The following PAN3 variants were observed in gnomAD, a reference collection of about 807,000 sequenced individuals.
The protein encoded by PAN3 is poly(A) specific ribonuclease subunit PAN3, also known as PAN2-PAN3 deadenylation complex subunit PAN3.
A neutral mutation model predicts 96.2 loss-of-function variants in PAN3; 19 were observed. The observed-to-expected ratio is 0.20, with a 90% CI of 0.14 to 0.29. The LOEUF (loss-of-function observed/expected upper bound fraction) is 0.29, where lower values mean the gene tolerates loss of function less well. Ranked by LOEUF, PAN3 falls within the 10% of genes least tolerant of loss-of-function variation. The probability of loss-of-function intolerance (pLI) is 1.00; values close to 1 mark genes in which losing one functional copy is unlikely to be tolerated. For synonymous variants in PAN3, 433 were observed against 406.6 expected (o/e 1.06, Z -0.78); for missense variants, 882 against 1,108.1 (o/e 0.80, Z 2.90).
intron 14 of PAN3, among the ~76,000 whole-genome samples, chr13:28,272,518 G>T (rs1021171191): frequency 6.6e-6 from 1 of 151,524 alleles, no homozygotes; most frequent in African/African-American, 2.4e-5. Flanking sequence ...GATGTACTTA[G>T]TGTAGAGCCC....
At chr13:28,228,280 ATCTTTT>A (rs1476031454) in intron 6 of PAN3, among the ~76,000 whole-genome samples, 1 of 152,118 alleles carries the variant, frequency 6.6e-6, no homozygotes, top group African/African-American at 2.4e-5. Flanking sequence ...CATGAAATTC[ATCTTTT>A]TCTTATTCTT....
intron 4 of PAN3, among the ~76,000 whole-genome samples, chr13:28,181,477 A>C (rs1230174789): frequency 6.9e-6 from 1 of 144,902 alleles, no homozygotes; most frequent in Non-Finnish European, 1.5e-5. Flanking sequence ...ACTCTAATGC[A>C]CTGTGTGACA....
At position 28,280,323 on chromosome 13, in the gene PAN3, G is replaced by C. The variant is rs943743524; in HGVS notation, c.2190-89G>C. 6.4e-5 allele frequency: 90 copies of C among 1,412,294 alleles called. No homozygotes were observed. In the African/African-American group the frequency reaches 1.2e-3, roughly 19 times the overall value. The allele number at this position is 1,412,294 out of a possible 1,614,324, so 87.5% of individuals were successfully genotyped here. On this transcript the variant is annotated intron_variant, in intron 15 of 18. Coordinates refer to ENST00000380958, the MANE Select transcript of PAN3 (RefSeq NM_175854.8). The stretch of plus-strand genomic sequence containing the variant: ...TTTTCAAAATTTTGTGTGCTAAGAT[G>C]ACGGCAGCCAAAACAGCTATGTTTG...
At chr13:28,274,851 G>A (rs1886932451) in intron 14 of PAN3, among the ~76,000 whole-genome samples, 2 of 152,158 alleles carry the variant, frequency 1.3e-5, no homozygotes, top group African/African-American at 4.8e-5. Flanking sequence ...CAAAGGGGGA[G>A]TGTGATTTTA....
intron 1 of PAN3, among the ~76,000 whole-genome samples, chr13:28,140,191 C>G (rs1869513439): frequency 6.6e-6 from 1 of 152,182 alleles, no homozygotes; most frequent in African/African-American, 2.4e-5. Flanking sequence ...CTCAAGTGAT[C>G]TGTCCTCCTC....
chr13:28,264,431 C>T (rs1009849292), intron 9 of PAN3, among the ~76,000 whole-genome samples: 5 of 151,796 alleles, frequency 3.3e-5, no homozygotes, highest in South Asian at 2.1e-4. Context: ...TCCAGCTACT[C>T]GGGAGGCTGA....
chr13:28,280,463 C>A lies in PAN3; in HGVS notation c.2241C>A (p.Pro747=). ...TGCGAAGTGTAAATGACATCATGCC[C>A]ATGATTGGTGCTCGATTTTATACTC... ...NRMRSVNDIM[P]MIGARFYTQL... is the part of the protein sequence containing the mutation. The change falls in exon 16 of 19, where the codon CCC becomes CCA. Residue 747 remains proline (P), a synonymous_variant. Coordinates refer to ENST00000380958, the MANE Select transcript of PAN3 (RefSeq NM_175854.8). 2 of 1,613,280 alleles carry A rather than the reference C, an allele frequency of 1.2e-6. No homozygotes were observed. The highest frequency in any genetic ancestry group is 1.7e-6 in the Non-Finnish European group (2 of 1,179,634).
intron 4 of PAN3, among the ~76,000 whole-genome samples, chr13:28,189,790 G>A (rs546450174): frequency 5.3e-5 from 8 of 152,242 alleles, no homozygotes; most frequent in Admixed American, 1.3e-4. Context: ...CTTAGACCTC[G>A]CTCTAAGGCC....
intron 18 of PAN3, among the ~76,000 whole-genome samples, chr13:28,288,919 C>T (rs45599434): frequency 0.056 from 8,439 of 150,856 alleles, 302 homozygotes; most frequent in South Asian, 0.14. Context: ...CTCCGCCTCC[C>T]GGGTTCACGC....
chr13:28,233,518 C>T (rs559006353), intron 6 of PAN3, among the ~76,000 whole-genome samples: 30 of 152,158 alleles, frequency 2.0e-4, no homozygotes, highest in African/African-American at 6.3e-4. Flanking sequence ...CTGCCCACCT[C>T]GGCCTCCCAA....
At chr13:28,271,494 A>C (rs989322103) in intron 13 of PAN3, among the ~76,000 whole-genome samples, 1 of 152,168 alleles carries the variant, frequency 6.6e-6, no homozygotes, top group Non-Finnish European at 1.5e-5. Context: ...TGAACAAGTT[A>C]CTTCTTCAAA....
intron 6 of PAN3, among the ~76,000 whole-genome samples, chr13:28,225,364 G>C (rs1320212959): frequency 6.6e-6 from 1 of 152,108 alleles, no homozygotes; most frequent in Non-Finnish European, 1.5e-5. Context: ...TCAGTTTAAA[G>C]TTCTGTGCCA....
At chr13:28,276,783 AC>A (rs1207136157) in intron 14 of PAN3, among the ~76,000 whole-genome samples, 1 of 152,240 alleles carries the variant, frequency 6.6e-6, no homozygotes. Flanking sequence ...TCTGGGAGTT[AC>A]AGAAAATGAG....
chr13:28,163,856 G>GT (rs1566149222), intron 1 of PAN3, among the ~76,000 whole-genome samples: 1 of 152,144 alleles, frequency 6.6e-6, no homozygotes, highest in African/African-American at 2.4e-5. Flanking sequence ...AAGGTATTCA[G>GT]TTTTTTCCCT....
intron 5 of PAN3, among the ~76,000 whole-genome samples, chr13:28,218,206 A>G (rs1289638919): frequency 1.3e-5 from 2 of 152,118 alleles, no homozygotes; most frequent in Middle Eastern, 3.2e-3. Context: ...AAAGTATTCT[A>G]GGTAAGGTCT....
intron 6 of PAN3, among the ~76,000 whole-genome samples, chr13:28,244,685 C>A (rs1377062072): frequency 6.6e-6 from 1 of 151,902 alleles, no homozygotes; most frequent in Non-Finnish European, 1.5e-5. Context: ...GGTGTTATGG[C>A]CCACTTTTAT....
chr13:28,227,336 G>A (rs920957271), intron 6 of PAN3, among the ~76,000 whole-genome samples: 2 of 152,152 alleles, frequency 1.3e-5, no homozygotes, highest in South Asian at 2.1e-4. Context: ...AGTTCCTCTT[G>A]TGAACTTCCT....
At chr13:28,164,365 C>A (rs1873278715) in intron 1 of PAN3, among the ~76,000 whole-genome samples, 1 of 152,160 alleles carries the variant, frequency 6.6e-6, no homozygotes, top group Non-Finnish European at 1.5e-5. Flanking sequence ...AACTCAGCAC[C>A]TTTTAGAAGT....
intron 9 of PAN3, among the ~76,000 whole-genome samples, chr13:28,261,717 T>G (rs1593588651): frequency 6.6e-6 from 1 of 151,070 alleles, no homozygotes; most frequent in East Asian, 2.0e-4. Flanking sequence ...TAGTCCCAGC[T>G]ACTCAGGAGG....
Sources: gnomAD v4.1 joint callset for allele counts (sites outside exome capture counted in the v4.1 genomes callset) on GRCh38, gnomAD v4.1.1 for gene constraint, MANE v1.5 for transcripts, NCBI Gene and HGNC (gene_info 2026-07-23, HGNC 2026-07-21) for gene names.